The following SLC14A2 variants were observed in gnomAD, a reference collection of about 807,000 sequenced individuals.
SLC14A2 encodes solute carrier family 14 member 2, also known as urea transporter 2.
Under a neutral mutation model 104.6 loss-of-function variants are expected in SLC14A2, and 91 were observed. That is an observed-to-expected ratio of 0.87 (90% CI 0.73 to 1.04). SLC14A2 has a LOEUF of 1.04. SLC14A2 is among the 50% of genes least tolerant of loss of function. SLC14A2 has a pLI of 0.00. For synonymous variants in SLC14A2, 476 were observed against 466.4 expected (o/e 1.02, Z -0.27); for missense variants, 1,189 against 1,156.0 (o/e 1.03, Z -0.41).
At chr18:45,539,870 C>T (rs2043858129) in intron 2 of SLC14A2, among the ~76,000 whole-genome samples, 2 of 125,784 alleles carry the variant, frequency 1.6e-5, no homozygotes, top group South Asian at 4.9e-4. Flanking sequence ...TAAGCCATGA[C>T]AGAAAGAAAA....
At chr18:45,275,442 T>C (rs1300174146) in intron 1 of SLC14A2, among the ~76,000 whole-genome samples, 1 of 152,194 alleles carries the variant, frequency 6.6e-6, no homozygotes, top group Admixed American at 6.5e-5. Flanking sequence ...CTCACCTTCC[T>C]CTTTTCCATA....
intron 1 of SLC14A2, among the ~76,000 whole-genome samples, chr18:45,309,945 A>G (rs2085061901): frequency 6.6e-6 from 1 of 151,678 alleles, no homozygotes. Context: ...ATCGGTCTGC[A>G]TTTTATTAAA....
At chr18:45,213,548 A>G (rs1170293539) in intron 1 of SLC14A2, among the ~76,000 whole-genome samples, 1 of 152,218 alleles carries the variant, frequency 6.6e-6, no homozygotes, top group African/African-American at 2.4e-5. Flanking sequence ...GAGAAAATGC[A>G]GGCCATTATG....
intron 2 of SLC14A2, among the ~76,000 whole-genome samples, chr18:45,500,621 A>G (rs1487196976): frequency 1.3e-5 from 2 of 150,896 alleles, no homozygotes; most frequent in Admixed American, 6.6e-5. Context: ...ATCCTGACGC[A>G]TGAGTGTGTT....
rs56889127 is a variant in SLC14A2, at chr18:45,337,527, T to C, written c.-125+124336T>C. On this transcript the variant is annotated intron_variant, in intron 1 of 20. Transcript: ENST00000586448. The stretch of plus-strand genomic sequence containing the variant: ...CTCAACCAACTGACTAGACGCATTC[T>C]GGGCCAAGAGAACCCCAGAGAAACC... Among the ~76,000 whole-genome samples the C allele has an allele frequency of 6.7e-3, 1,027 of 152,310 alleles. 31 individuals are homozygous for C. The highest frequency in any genetic ancestry group is 0.054 in the Admixed American group (822 of 15,296).
At chr18:45,517,785 C>A (rs7236548) in intron 2 of SLC14A2, among the ~76,000 whole-genome samples, 37,697 of 152,062 alleles carry the variant, frequency 0.25, 4,969 homozygotes, top group African/African-American at 0.32. Flanking sequence ...GGGCATTCCA[C>A]TGAAAACTTT....
chr18:45,489,766 CAA>C (rs2087685454), intron 2 of SLC14A2: 2 of 152,306 alleles, frequency 1.3e-5, no homozygotes, highest in South Asian at 4.1e-4. Context: ...AGGAGTGTCA[CAA>C]AGTGTAGAAA....
At chr18:45,536,763 G>A (rs2043792692) in intron 2 of SLC14A2, among the ~76,000 whole-genome samples, 1 of 152,194 alleles carries the variant, frequency 6.6e-6, no homozygotes, top group African/African-American at 2.4e-5. Context: ...AAAGACCCAA[G>A]GAGGTAAAAA....
chr18:45,612,551 C>T (rs1007716529), upstream of SLC14A2, among the ~76,000 whole-genome samples: 1 of 152,214 alleles, frequency 6.6e-6, no homozygotes, highest in Admixed American at 6.5e-5. Context: ...CACTAAGCAA[C>T]TTGCATGCAT....
chr18:45,667,950 C>T lies in SLC14A2; in HGVS notation c.1835C>T (p.Pro612Leu), dbSNP rs2046057900. The change falls in exon 14 of 20, where the codon CCC becomes CTC. Residue 612 changes from proline (P) to leucine (L), a missense_variant. Physicochemically the swap from Pro to Leu is moderately conservative, Grantham distance 98. Coordinates refer to ENST00000255226, the MANE Select transcript of SLC14A2 (RefSeq NM_007163.4). The part of the protein sequence containing the change: ...LIILGLFIQN[P>L]WWAISGCLGT... ...ATCCTCGGCCTCTTCATCCAGAACC[C>T]CTGGTGGGCGATCTCAGGCTGCCTG... 1.2e-6 allele frequency: 2 copies of T among 1,613,998 alleles called. No individual in the cohort carries two copies. Among genetic ancestry groups the T allele is most frequent in the Non-Finnish European group, 1.7e-6 (2 of 1,180,026 alleles).
At chr18:45,247,205 C>A (rs1006535899) in intron 1 of SLC14A2, among the ~76,000 whole-genome samples, 1 of 152,204 alleles carries the variant, frequency 6.6e-6, no homozygotes, top group Non-Finnish European at 1.5e-5. Context: ...AGCAGAATTA[C>A]TACTTTGTTT....
chr18:45,563,718 A>G (rs2044233063), intron 2 of SLC14A2, among the ~76,000 whole-genome samples: 1 of 152,226 alleles, frequency 6.6e-6, no homozygotes, highest in South Asian at 2.1e-4. Context: ...AAATGACTAT[A>G]ATTTTTCAAT....
intron 2 of SLC14A2, among the ~76,000 whole-genome samples, chr18:45,519,834 G>A (rs2043491899): frequency 6.6e-6 from 1 of 152,202 alleles, no homozygotes; most frequent in African/African-American, 2.4e-5. Context: ...ATCGCTCTGG[G>A]TTCTACACTA....
chr18:45,319,667 G>A (rs1198081937), intron 1 of SLC14A2, among the ~76,000 whole-genome samples: 1 of 152,320 alleles, frequency 6.6e-6, no homozygotes, highest in East Asian at 1.9e-4. Flanking sequence ...CTTTGCCTGG[G>A]TTAGATGTTT....
At chr18:45,547,732 G>T (rs2043993615) in intron 2 of SLC14A2, among the ~76,000 whole-genome samples, 2 of 152,206 alleles carry the variant, frequency 1.3e-5, no homozygotes, top group Non-Finnish European at 2.9e-5. Flanking sequence ...CATGAAGGTG[G>T]CTGGTAAAAT....
At chr18:45,591,330 T>C (rs2044643499) in intron 2 of SLC14A2, among the ~76,000 whole-genome samples, 1 of 151,252 alleles carries the variant, frequency 6.6e-6, no homozygotes, top group Non-Finnish European at 1.5e-5. Context: ...GATAACAATA[T>C]TTCTTGTTTT....
intron 1 of SLC14A2, among the ~76,000 whole-genome samples, chr18:45,271,819 G>T (rs550129704): frequency 6.6e-6 from 1 of 151,792 alleles, no homozygotes; most frequent in Admixed American, 6.6e-5. Flanking sequence ...ATATCGAACC[G>T]CAAAAGACCC....
the SLC14A2 span, among the ~76,000 whole-genome samples, chr18:45,199,716 G>T: frequency 2.0e-3 from 310 of 152,264 alleles, 1 homozygote; most frequent in African/African-American, 7.2e-3. Flanking sequence ...CCTCTTGGTT[G>T]TATGGGTTGT....
intron 1 of SLC14A2, among the ~76,000 whole-genome samples, chr18:45,437,614 T>A (rs2086617748): frequency 6.6e-6 from 1 of 152,184 alleles, no homozygotes; most frequent in Non-Finnish European, 1.5e-5. Context: ...GTGGTGGCCA[T>A]GCAAGAACTC....
Sources: allele counts gnomAD v4.1 joint callset (sites outside exome capture counted in the v4.1 genomes callset), GRCh38; gene constraint gnomAD v4.1.1; transcripts MANE v1.5; gene names NCBI Gene and HGNC (gene_info 2026-07-23, HGNC 2026-07-21).